The following MTG1 variants were observed in gnomAD, a reference collection of about 807,000 sequenced individuals.
The protein encoded by MTG1 is mitochondrial ribosome associated GTPase 1.
MTG1 carries 30 observed loss-of-function variants against 39.5 expected under a neutral mutation model. The ratio of observed to expected loss-of-function variants is 0.76; its 90% CI spans 0.57 to 1.03. MTG1 has a LOEUF of 1.03. Ranked by LOEUF, MTG1 falls within the 50% of genes least tolerant of loss-of-function variation. The pLI is 0.00. For missense variants in MTG1, 513 were observed against 447.4 expected, an observed-to-expected ratio of 1.15 and a Z score of -1.32; for synonymous variants, 217 against 179.0, an observed-to-expected ratio of 1.21 and a Z score of -1.69.
In MTG1 at chr10:133,394,172, C is replaced by T. The variant is rs1370602711; in HGVS notation, c.-49C>T. ...CCGGAACCTCAGAGGCGGGTCGCAG[C>T]GGCGCAGAGGAGGTCAGCTGCGGGA... On this transcript the variant is annotated 5_prime_UTR_variant, in exon 1 of 11. Transcript: ENST00000317502. 2.2e-6 allele frequency: 3 copies of T among 1,391,276 alleles called. No homozygotes were observed. The highest frequency in any genetic ancestry group is 2.3e-5 in the Admixed American group (1 of 43,376). The allele number at this position is 1,391,276 out of a possible 1,614,324, so 86.2% of individuals were successfully genotyped here. A position where few individuals can be genotyped will look rare whatever the true frequency, so the allele number is the denominator to read the frequency against.
At chr10:133,419,403 G>C in intron 9 of MTG1, 77 bp from the exon 10 acceptor site, 4 of 1,288,334 alleles carry the variant, frequency 3.1e-6, no homozygotes, top group Non-Finnish European at 3.2e-6. Flanking sequence ...GTGGCATTCA[G>C]GAGGAAGGGC....
chr10:133,401,680 G>T, intron 7 of MTG1, 90 bp downstream of exon 7: 1 of 1,277,534 alleles, frequency 7.8e-7, no homozygotes, highest in South Asian at 1.2e-5. Flanking sequence ...TCCGGCTGCT[G>T]ACCACGCTTC....
intron 9 of MTG1, among the ~76,000 whole-genome samples, chr10:133,406,099 A>C (rs750889091): frequency 6.6e-6 from 1 of 152,040 alleles, no homozygotes; most frequent in African/African-American, 2.4e-5. Context: ...CATGTTGAGC[A>C]TTTTTTCATA....
At chr10:133,411,701 T>G (rs1850049263) in intron 9 of MTG1, among the ~76,000 whole-genome samples, 1 of 152,116 alleles carries the variant, frequency 6.6e-6, no homozygotes, top group South Asian at 2.1e-4. Context: ...GCTCACTGAT[T>G]TTTTCCTCTG....
rs772298909 is a variant in MTG1, at chr10:133,394,184, G to C, written c.-37G>C. On this transcript the variant is annotated 5_prime_UTR_variant, in exon 1 of 11. Transcript: ENST00000317502. ...AGGCGGGTCGCAGCGGCGCAGAGGAGGTCAGCTGCGGGAGCGTTTCCGGGG... is the reference window on the plus strand; with the variant it reads ...AGGCGGGTCGCAGCGGCGCAGAGGACGTCAGCTGCGGGAGCGTTTCCGGGG... 6.8e-6 allele frequency: 10 copies of C among 1,461,444 alleles called. No individual in the cohort carries two copies. Among genetic ancestry groups the C allele is most frequent in the South Asian group, 6.2e-5 (5 of 80,726 alleles). 90.5% of individuals were successfully genotyped at this position (1,461,444 alleles called of 1,614,324 possible). A position where few individuals can be genotyped will look rare whatever the true frequency, so the allele number is the denominator to read the frequency against.
rs1047122777 is a variant in MTG1 at position 133,399,289 on chromosome 10, G to A, written c.420+63G>A. The A allele has an allele frequency of 1.3e-5, 20 of 1,574,728 alleles. No individual in the cohort carries two copies. In the African/African-American group the frequency reaches 1.5e-4, roughly 12 times the overall value. ...GGCGTGGGATGGGCCAGCCCCTCCT[G>A]CCTGGCCTCTCCAAGGAGAAGGCGC... On this transcript the variant is annotated intron_variant, in intron 5 of 10. Coordinates refer to ENST00000317502, the MANE Select transcript of MTG1 (RefSeq NM_138384.4).
intron 9 of MTG1, among the ~76,000 whole-genome samples, chr10:133,416,650 G>A (rs1397295598): frequency 1.4e-5 from 2 of 142,606 alleles, no homozygotes; most frequent in South Asian, 2.3e-4. Flanking sequence ...GAGAATATGC[G>A]GTGTTTGGTT....
intron 9 of MTG1, among the ~76,000 whole-genome samples, chr10:133,412,462 G>A (rs1333706026): frequency 6.6e-6 from 1 of 152,052 alleles, no homozygotes; most frequent in African/African-American, 2.4e-5. Context: ...TTTTTACCTA[G>A]ACAATTATGT....
intron 9 of MTG1, among the ~76,000 whole-genome samples, chr10:133,410,441 C>A (rs1850028760): frequency 6.6e-6 from 1 of 152,120 alleles, no homozygotes; most frequent in African/African-American, 2.4e-5. Flanking sequence ...CATTTTGTTG[C>A]TTGTTTTCTG....
intron 9 of MTG1, among the ~76,000 whole-genome samples, chr10:133,415,179 TGGAGAG>T (rs930258014): frequency 1.2e-4 from 18 of 151,428 alleles, no homozygotes; most frequent in African/African-American, 3.6e-4. Context: ...AGGGAGACCG[TGGAGAG>T]GGAGAGGGAG....
rs201131453 is a variant in MTG1, at chr10:133,401,551, C to T, written c.534C>T (p.Gly178=). The T allele has an allele frequency of 9.4e-6, 15 of 1,589,560 alleles. No homozygotes were observed. Among genetic ancestry groups the T allele is most frequent in the East Asian group, 9.0e-5 (4 of 44,488 alleles). Residue 178 remains glycine, a synonymous_variant, in exon 7 of 11, where the codon GGC becomes GGT. Coordinates refer to ENST00000317502, the MANE Select transcript of MTG1 (RefSeq NM_138384.4). ...LRKGKATRVG[G]EPGITRAVMS... ...CAGGGAAAGCCACCAGGGTGGGTGGCGAGCCTGGGATCACCAGAGCTGTGA... is the reference window on the plus strand; with the variant it reads ...CAGGGAAAGCCACCAGGGTGGGTGGTGAGCCTGGGATCACCAGAGCTGTGA...
rs141053786 is a variant in MTG1, at chr10:133,396,089, C to A, written c.178-74C>A. 7 of 1,345,730 alleles carry A rather than the reference C, an allele frequency of 5.2e-6. No individual in the cohort carries two copies. In the East Asian group the frequency reaches 1.4e-4, roughly 27 times the overall value. 83.4% of individuals were successfully genotyped at this position (1,345,730 alleles called of 1,614,324 possible). A position where few individuals can be genotyped will look rare whatever the true frequency, so the allele number is the denominator to read the frequency against. ...AATGAATTGGCAGGATGTGATGATTCGTTCACTGATGGCAAGAAAAAAAGT... is the reference window on the plus strand; with the variant it reads ...AATGAATTGGCAGGATGTGATGATTAGTTCACTGATGGCAAGAAAAAAAGT... On this transcript the variant is annotated intron_variant, in intron 2 of 10. Transcript: ENST00000317502.
At chr10:133,396,123 T>C (rs1270339512) in intron 2 of MTG1, 40 bp from the exon 3 acceptor site, 2 of 1,591,924 alleles carry the variant, frequency 1.3e-6, no homozygotes, top group African/African-American at 1.3e-5. Flanking sequence ...GTTGGTTGGC[T>C]GGTAAAGCTT....
chr10:133,420,303 G>A lies in MTG1; in HGVS notation c.*138G>A. 1 of 1,078,602 alleles carries A rather than the reference G, an allele frequency of 9.3e-7. No homozygotes were observed. Among genetic ancestry groups the A allele is most frequent in the Non-Finnish European group, 1.3e-6 (1 of 799,028 alleles). The allele number at this position is 1,078,602 out of a possible 1,614,324, so 66.8% of individuals were successfully genotyped here. A position where few individuals can be genotyped will look rare whatever the true frequency, so the allele number is the denominator to read the frequency against. ...GTGCTGTGCTCTCTGGCGCCCCACA[G>A]CCTGGCCAGCTCCAGGGACCCCAGT... On this transcript the variant is annotated 3_prime_UTR_variant, in exon 11 of 11. Transcript: ENST00000317502.
At chr10:133,403,050 G>T (rs1387954739) in intron 9 of MTG1, among the ~76,000 whole-genome samples, 1 of 143,328 alleles carries the variant, frequency 7.0e-6, no homozygotes, top group Non-Finnish European at 1.5e-5. Flanking sequence ...CCCCATCCCT[G>T]CTCCTCCTTC....
At position 133,419,511 on chromosome 10, in the gene MTG1, T is replaced by C. The variant is rs767417458; in HGVS notation, c.784T>C (p.Cys262Arg). 6.8e-6 allele frequency: 11 copies of C among 1,607,324 alleles called. No homozygotes were observed. Among genetic ancestry groups the C allele is most frequent in the Non-Finnish European group, 8.5e-6 (10 of 1,177,344 alleles). The part of the protein sequence containing the change: ...YVQHYGLGSA[C>R]DNVERVLKSV... ...GCAGCACTACGGCCTGGGCAGTGCC[T>C]GTGACAACGTAGAGCGCGTGCTGAA... The change falls in exon 10 of 11, where the codon TGT becomes CGT. Residue 262 changes from cysteine to arginine, a missense_variant. Physicochemically the swap from Cys to Arg is radical, Grantham distance 180. Coordinates refer to ENST00000317502, the MANE Select transcript of MTG1 (RefSeq NM_138384.4).
intron 3 of MTG1, among the ~76,000 whole-genome samples, chr10:133,397,082 C>T (rs906664051): frequency 6.6e-6 from 1 of 152,180 alleles, no homozygotes; most frequent in African/African-American, 2.4e-5. Flanking sequence ...TAACTGTCTC[C>T]CTGTGATGCT....
intron 1 of MTG1, among the ~76,000 whole-genome samples, chr10:133,395,268 C>G (rs1262614678): frequency 6.6e-6 from 1 of 152,076 alleles, no homozygotes; most frequent in Non-Finnish European, 1.5e-5. Context: ...GGTGGCGCGT[C>G]CCTGTAGTCC....
intron 9 of MTG1, among the ~76,000 whole-genome samples, chr10:133,413,787 A>T (rs1850079314): frequency 6.6e-6 from 1 of 152,174 alleles, no homozygotes; most frequent in Admixed American, 6.5e-5. Context: ...CATATTTTAT[A>T]ACCTCCAGAT....
Sources: gnomAD v4.1 joint callset for allele counts (sites outside exome capture counted in the v4.1 genomes callset) on GRCh38, gnomAD v4.1.1 for gene constraint, MANE v1.5 for transcripts, NCBI Gene and HGNC (gene_info 2026-07-23, HGNC 2026-07-21) for gene names.